Variants in PRICKLE1 observed in about 807,000 individuals in gnomAD.
PRICKLE1 encodes the protein prickle planar cell polarity protein 1, also known as prickle-like protein 1.
A neutral mutation model predicts 70.2 loss-of-function variants in PRICKLE1; 14 were observed. That is an observed-to-expected ratio of 0.20 (90% CI 0.13 to 0.31). The LOEUF is 0.31. Among genes scored for constraint, PRICKLE1 ranks in the 10% least tolerant of loss-of-function variants. The pLI is 1.00. For missense variants in PRICKLE1, 821 were observed against 1,026.2 expected (o/e 0.80, Z 2.73); for synonymous variants, 357 against 379.9 (o/e 0.94, Z 0.70).
intron 1 of PRICKLE1, among the ~76,000 whole-genome samples, chr12:42,567,526 T>C (rs183095631): frequency 2.0e-5 from 3 of 152,142 alleles, no homozygotes; most frequent in Non-Finnish European, 4.4e-5. Flanking sequence ...AGAGAGAAGA[T>C]AAGAAGTATA....
chr12:42,549,111 C>G (rs1171436443), intron 1 of PRICKLE1, among the ~76,000 whole-genome samples: 8 of 136,062 alleles, frequency 5.9e-5, no homozygotes, highest in African/African-American at 2.2e-4. Flanking sequence ...AGAGTGAGAC[C>G]CTGTCTCCAA....
chr12:42,566,498 G>A (rs923611748), intron 1 of PRICKLE1, among the ~76,000 whole-genome samples: 2 of 152,134 alleles, frequency 1.3e-5, no homozygotes, highest in African/African-American at 4.8e-5. Flanking sequence ...CCAGACCTGC[G>A]TAAGAACATC....
intron 1 of PRICKLE1, among the ~76,000 whole-genome samples, chr12:42,478,525 AG>A (rs1298896447): frequency 1.3e-5 from 2 of 152,148 alleles, no homozygotes; most frequent in Admixed American, 1.3e-4. Context: ...TGGCATTGGG[AG>A]GGGGTGGTCA....
At chr12:42,539,661 T>G (rs1203605710) in intron 1 of PRICKLE1, among the ~76,000 whole-genome samples, 1 of 152,204 alleles carries the variant, frequency 6.6e-6, no homozygotes, top group Non-Finnish European at 1.5e-5. Context: ...AATCACTATT[T>G]GTAATCAGTT....
chr12:42,577,493 T>C (rs1051114540), intron 1 of PRICKLE1, among the ~76,000 whole-genome samples: 2 of 152,206 alleles, frequency 1.3e-5, no homozygotes, highest in African/African-American at 4.8e-5. Context: ...AAATAGACTG[T>C]TAAAAAAATT....
intron 1 of PRICKLE1, among the ~76,000 whole-genome samples, chr12:42,546,898 C>T (rs1420882221): frequency 3.5e-4 from 53 of 152,040 alleles, no homozygotes; most frequent in African/African-American, 2.4e-5. Context: ...TGTTGTCTGT[C>T]CTTGGGCCTT....
At chr12:42,514,449 C>G (rs1408480404) in intron 1 of PRICKLE1, among the ~76,000 whole-genome samples, 2 of 151,986 alleles carry the variant, frequency 1.3e-5, no homozygotes, top group Non-Finnish European at 2.9e-5. Context: ...TCAGTGTCCC[C>G]ATAAGAAATA....
At chr12:42,579,253 G>A (rs1324663476) in intron 1 of PRICKLE1, among the ~76,000 whole-genome samples, 1 of 152,204 alleles carries the variant, frequency 6.6e-6, no homozygotes, top group Non-Finnish European at 1.5e-5. Flanking sequence ...TTTACAGGGT[G>A]ACCAGGGAAG....
chr12:42,545,859 A>AG (rs1940199293), intron 1 of PRICKLE1, among the ~76,000 whole-genome samples: 1 of 140,530 alleles, frequency 7.1e-6, no homozygotes, highest in Non-Finnish European at 1.6e-5. Flanking sequence ...CAAAAAAGAA[A>AG]AAAAAAAAAT....
At position 42,589,657 on chromosome 12, in the gene PRICKLE1, G is replaced by A. The variant is rs1006412812; in HGVS notation, c.-241C>T. 7 of 152,096 alleles carry A rather than the reference G, an allele frequency of 4.6e-5. No homozygotes were observed. The highest frequency in any genetic ancestry group is 2.0e-4 in the South Asian group (1 of 4,918). 9.4% of individuals were successfully genotyped at this position (152,096 alleles called of 1,614,324 possible). ...GGCGCGTCTCGGGGAAGTCAGCGCA[G>A]GCTGCGCGAGGCTGGCATGTTCCGG... On this transcript the variant is annotated 5_prime_UTR_variant, in exon 1 of 8. Coordinates refer to ENST00000345127, the MANE Select transcript of PRICKLE1 (RefSeq NM_153026.3). This position sits in a 1 kb window ranked among gnomAD's most constrained non-coding sequence, Gnocchi z 5.0.
At chr12:42,487,370 T>C (rs1222811407) in intron 1 of PRICKLE1, among the ~76,000 whole-genome samples, 1 of 152,210 alleles carries the variant, frequency 6.6e-6, no homozygotes, top group Admixed American at 6.5e-5. Flanking sequence ...AGTTTTATAA[T>C]AGGTTGCAGT....
intron 1 of PRICKLE1, among the ~76,000 whole-genome samples, chr12:42,475,294 T>A (rs1236052521): frequency 2.0e-5 from 3 of 152,244 alleles, no homozygotes; most frequent in Admixed American, 1.3e-4. Context: ...TTTTAGCAGA[T>A]GGCTAACTTA....
intron 7 of PRICKLE1, among the ~76,000 whole-genome samples, chr12:42,461,798 T>C (rs1937846694): frequency 6.6e-6 from 1 of 152,186 alleles, no homozygotes; most frequent in African/African-American, 2.4e-5. Context: ...ACTACATAAC[T>C]TCGTACTTAT....
At chr12:42,552,938 T>TA (rs1940343625) in intron 1 of PRICKLE1, among the ~76,000 whole-genome samples, 1 of 152,066 alleles carries the variant, frequency 6.6e-6, no homozygotes, top group Non-Finnish European at 1.5e-5. Context: ...CGGTTCACAA[T>TA]AGAGTTTGAG....
intron 1 of PRICKLE1, among the ~76,000 whole-genome samples, chr12:42,536,491 C>T (rs1436509797): frequency 1.3e-5 from 2 of 152,196 alleles, no homozygotes; most frequent in African/African-American, 4.8e-5. Context: ...TGGACATTAG[C>T]TGCCTTCCTG....
Position 42,470,375 on chromosome 12 carries a change from TGA to T in PRICKLE1, c.133-18_133-17del. 5.4e-6 allele frequency: 8 copies of T among 1,487,916 alleles called. No individual in the cohort carries two copies. The highest frequency in any genetic ancestry group is 6.6e-6 in the Non-Finnish European group (7 of 1,065,150). 92.2% of individuals were successfully genotyped at this position (1,487,916 alleles called of 1,614,324 possible). ...AGAGCTGGATCTGCAAAAGAGACAG[TGA>T]GAATGGCATCAACATACAGAACTGA... On this transcript the variant is annotated splice_polypyrimidine_tract_variant and intron_variant, in intron 2 of 7. Coordinates refer to ENST00000345127, the MANE Select transcript of PRICKLE1 (RefSeq NM_153026.3).
intron 7 of PRICKLE1, 47 bp from the exon 8 acceptor site, chr12:42,460,712 T>C (rs1374666560): frequency 2.5e-6 from 4 of 1,594,022 alleles, no homozygotes; most frequent in Non-Finnish European, 3.4e-6. Flanking sequence ...CATCCTAATA[T>C]TCGACAGTAC....
At chr12:42,469,290 G>T (rs944745497) in intron 4 of PRICKLE1, among the ~76,000 whole-genome samples, 160 bp downstream of exon 4, 2 of 152,140 alleles carry the variant, frequency 1.3e-5, no homozygotes, top group African/African-American at 4.8e-5. Context: ...TTACAAATAT[G>T]AAACATGATT....
intron 1 of PRICKLE1, among the ~76,000 whole-genome samples, chr12:42,485,837 C>T (rs76162132): frequency 0.012 from 1,769 of 152,254 alleles, 40 homozygotes; most frequent in East Asian, 0.091. Context: ...CTTGTAAATA[C>T]GTTTTGTTAT....
Sources: allele counts gnomAD v4.1 joint callset (sites outside exome capture counted in the v4.1 genomes callset), GRCh38; gene constraint gnomAD v4.1.1; non-coding constraint Gnocchi (gnomAD v3.1); transcripts MANE v1.5; gene names NCBI Gene and HGNC (gene_info 2026-07-23, HGNC 2026-07-21).